The following FRMD4B variants were observed in gnomAD, a reference collection of about 807,000 sequenced individuals.
The protein encoded by FRMD4B is FERM domain-containing protein 4B.
A neutral mutation model predicts 141.5 loss-of-function variants in FRMD4B; 74 were observed. That is an observed-to-expected ratio of 0.52 (90% CI 0.43 to 0.63). The LOEUF is 0.63. Ranked by LOEUF, FRMD4B falls within the 30% of genes least tolerant of loss-of-function variation. The probability of loss-of-function intolerance (pLI) is 0.00; values close to 1 mark genes in which losing one functional copy is unlikely to be tolerated. For synonymous variants in FRMD4B, 506 were observed against 467.9 expected, an observed-to-expected ratio of 1.08 and a Z score of -1.05; for missense variants, 1,366 against 1,253.4, an observed-to-expected ratio of 1.09 and a Z score of -1.36.
intron 1 of FRMD4B, among the ~76,000 whole-genome samples, chr3:69,456,368 T>A (rs1429147050): frequency 2.0e-5 from 3 of 152,256 alleles, no homozygotes; most frequent in Non-Finnish European, 2.9e-5. Flanking sequence ...ACTCAGCTAT[T>A]CCATTTCAAG....
chr3:69,462,986 CCTT>C (rs1344470748), intron 1 of FRMD4B, among the ~76,000 whole-genome samples: 13 of 152,220 alleles, frequency 8.5e-5, no homozygotes, highest in East Asian at 1.9e-4. Context: ...CCTGCTCACT[CCTT>C]CTTATTCACA....
intron 11 of FRMD4B, among the ~76,000 whole-genome samples, chr3:69,207,673 T>G (rs866660755): frequency 1.3e-5 from 2 of 151,950 alleles, no homozygotes; most frequent in African/African-American, 4.8e-5. Context: ...CTGGGCGTGG[T>G]GGGACATGCC....
chr3:69,319,009 C>T (rs958629934), intron 1 of FRMD4B, among the ~76,000 whole-genome samples: 4 of 152,106 alleles, frequency 2.6e-5, no homozygotes, highest in South Asian at 2.1e-4. Context: ...GTGGTGCCAG[C>T]GAAGAGACAC....
chr3:69,368,792 G>A (rs1360162644), intron 1 of FRMD4B, among the ~76,000 whole-genome samples: 1 of 152,014 alleles, frequency 6.6e-6, no homozygotes, highest in Non-Finnish European at 1.5e-5. Context: ...TGAGTAGCTG[G>A]GACTACAGGT....
intron 4 of FRMD4B, among the ~76,000 whole-genome samples, chr3:69,290,171 A>G (rs972630139): frequency 3.9e-5 from 6 of 152,326 alleles, no homozygotes; most frequent in African/African-American, 1.2e-4. Flanking sequence ...GGCAGCCAAG[A>G]TGTCAGGCGG....
chr3:69,420,592 T>A (rs1302633104), intron 2 of FRMD4B, among the ~76,000 whole-genome samples: 1 of 152,070 alleles, frequency 6.6e-6, no homozygotes, highest in Non-Finnish European at 1.5e-5. Flanking sequence ...TTCAAATGGG[T>A]CAAGATGTTT....
intron 11 of FRMD4B, among the ~76,000 whole-genome samples, chr3:69,205,623 T>C (rs1459205014): frequency 1.3e-5 from 2 of 152,108 alleles, no homozygotes; most frequent in East Asian, 1.9e-4. Context: ...ACATTTTTGG[T>C]TAACACACTG....
chr3:69,480,208 GTCAAAGTCAT>G (rs1460620715), intron 1 of FRMD4B, among the ~76,000 whole-genome samples: 1 of 152,204 alleles, frequency 6.6e-6, no homozygotes, highest in Non-Finnish European at 1.5e-5. Context: ...CTCTCAACTT[GTCAAAGTCAT>G]TCTCCATCCA....
At chr3:69,466,948 C>T (rs1412894675) in intron 1 of FRMD4B, among the ~76,000 whole-genome samples, 1 of 152,160 alleles carries the variant, frequency 6.6e-6, no homozygotes, top group African/African-American at 2.4e-5. Flanking sequence ...GCCATCTGCC[C>T]ACCTTCTCTT....
chr3:69,248,906 GT>G lies in FRMD4B; in HGVS notation c.581+319del, dbSNP rs34660103. Among the ~76,000 whole-genome samples, 127 of 151,802 alleles carry G rather than the reference GT, an allele frequency of 8.4e-4. 3 individuals carry two copies. The East Asian group carries it at 0.021, about 25-fold the overall frequency. On this transcript the variant is annotated intron_variant, in intron 7 of 22. Transcript: ENST00000398540. ...TCTTCGAACACAAGATTATTGTAAG[GT>G]TTTTTTTTATCAGCATAAGCTATCA...
chr3:69,453,808 A>G (rs780955381), intron 1 of FRMD4B, among the ~76,000 whole-genome samples: 6 of 152,226 alleles, frequency 3.9e-5, no homozygotes, highest in Admixed American at 6.5e-5. Context: ...CCATGTAGCC[A>G]AGAAAAGTGC....
intron 10 of FRMD4B, among the ~76,000 whole-genome samples, chr3:69,216,972 C>A (rs570703512): frequency 6.6e-6 from 1 of 150,860 alleles, no homozygotes; most frequent in East Asian, 2.0e-4. Flanking sequence ...CAGTAAAAAG[C>A]CAGTTATCCA....
chr3:69,320,012 T>C (rs1245126899), intron 1 of FRMD4B, among the ~76,000 whole-genome samples: 1 of 152,112 alleles, frequency 6.6e-6, no homozygotes, highest in Non-Finnish European at 1.5e-5. Flanking sequence ...ATAGAAAGCA[T>C]CTTAGACGGT....
At chr3:69,352,095 A>T (rs888075689) in intron 1 of FRMD4B, among the ~76,000 whole-genome samples, 2 of 152,138 alleles carry the variant, frequency 1.3e-5, no homozygotes, top group Non-Finnish European at 2.9e-5. Context: ...GGGACTTGGT[A>T]TATCTGGGAA....
At chr3:69,191,236 A>C (rs1453759604) in intron 17 of FRMD4B, among the ~76,000 whole-genome samples, 2 of 152,168 alleles carry the variant, frequency 1.3e-5, no homozygotes, top group Non-Finnish European at 2.9e-5. Flanking sequence ...CCTGGCCAAC[A>C]CAGTGAAATC....
chr3:69,298,439 G>A (rs1290148418), intron 4 of FRMD4B, among the ~76,000 whole-genome samples: 2 of 152,124 alleles, frequency 1.3e-5, no homozygotes, highest in East Asian at 1.9e-4. Flanking sequence ...GCCCTGTTCC[G>A]ATCTGTCCTC....
At chr3:69,325,041 T>G in intron 1 of FRMD4B, among the ~76,000 whole-genome samples, 1 of 142,092 alleles carries the variant, frequency 7.0e-6, no homozygotes. Flanking sequence ...ACTGTGCCAC[T>G]GTACTCCAGC....
chr3:69,499,360 A>G (rs1162553454), intron 1 of FRMD4B, among the ~76,000 whole-genome samples: 3 of 152,196 alleles, frequency 2.0e-5, no homozygotes, highest in Non-Finnish European at 4.4e-5. Context: ...AGAAGCACAG[A>G]GTGCATGAAA....
chr3:69,398,307 T>C (rs1377861391), intron 2 of FRMD4B, among the ~76,000 whole-genome samples: 1 of 152,224 alleles, frequency 6.6e-6, no homozygotes, highest in African/African-American at 2.4e-5. Context: ...ATTTATGGGA[T>C]ACATAGTGAT....
Sources: gnomAD v4.1 joint callset for allele counts (sites outside exome capture counted in the v4.1 genomes callset) on GRCh38, gnomAD v4.1.1 for gene constraint, MANE v1.5 for transcripts, NCBI Gene and HGNC (gene_info 2026-07-23, HGNC 2026-07-21) for gene names.